Variants in PTPRT observed in about 807,000 individuals in gnomAD.
PTPRT encodes protein tyrosine phosphatase receptor type T.
In PTPRT, 56 loss-of-function variants were observed where a neutral mutation model predicts 176.8. The ratio of observed to expected loss-of-function variants is 0.32; its 90% CI spans 0.26 to 0.40. The LOEUF (loss-of-function observed/expected upper bound fraction) is 0.40, where lower values mean the gene tolerates loss of function less well. PTPRT is among the 10% of genes least tolerant of loss of function. The pLI is 1.00. For synonymous variants in PTPRT, 783 were observed against 739.0 expected (o/e 1.06, Z -0.96); for missense variants, 1,540 against 1,908.2 (o/e 0.81, Z 3.60).
chr20:42,072,558 A>G (rs1982401259), downstream of PTPRT, among the ~76,000 whole-genome samples: 1 of 152,206 alleles, frequency 6.6e-6, no homozygotes, highest in South Asian at 2.1e-4. Context: ...TACTAGCTCA[A>G]TGTGCAGTCA....
At chr20:42,248,560 C>T (rs1049425940) in intron 14 of PTPRT, 127 bp downstream of exon 14, 84 of 1,243,336 alleles carry the variant, frequency 6.8e-5, no homozygotes, top group Non-Finnish European at 9.1e-5. Flanking sequence ...CATGTATTTC[C>T]GGACCTCAAT....
At chr20:42,314,243 T>C (rs66469048) in intron 12 of PTPRT, among the ~76,000 whole-genome samples, 5,735 of 152,136 alleles carry the variant, frequency 0.038, 287 homozygotes, top group African/African-American at 0.11. Flanking sequence ...TATGACCACT[T>C]TGGGGCTGGG....
intron 15 of PTPRT, among the ~76,000 whole-genome samples, chr20:42,230,348 C>T (rs6030070): frequency 0.51 from 77,483 of 151,996 alleles, 20,677 homozygotes; most frequent in Non-Finnish European, 0.58. Flanking sequence ...TTGGTAAACA[C>T]CTTCGCGCTT....
chr20:43,021,170 A>C (rs1985663123), intron 1 of PTPRT, among the ~76,000 whole-genome samples: 1 of 152,238 alleles, frequency 6.6e-6, no homozygotes. Flanking sequence ...ACCTACTCAA[A>C]GGAGATGATG....
intron 7 of PTPRT, among the ~76,000 whole-genome samples, chr20:42,592,891 T>C (rs1408425754): frequency 6.6e-6 from 1 of 152,200 alleles, no homozygotes; most frequent in African/African-American, 2.4e-5. Flanking sequence ...GTCTTCTGTA[T>C]CCTTTGTCAG....
chr20:43,104,000 A>G (rs1379813914), intron 1 of PTPRT, among the ~76,000 whole-genome samples: 1 of 152,208 alleles, frequency 6.6e-6, no homozygotes, highest in African/African-American at 2.4e-5. Flanking sequence ...CGCTTGCCAC[A>G]GTAATTGCAC....
chr20:42,575,504 G>A (rs548212783), intron 7 of PTPRT, among the ~76,000 whole-genome samples: 1 of 152,276 alleles, frequency 6.6e-6, no homozygotes, highest in South Asian at 2.1e-4. Context: ...AATCTAGGTG[G>A]CAACCTCAAA....
chr20:42,650,217 T>TTCTTGACTTTC (rs1259043111), intron 7 of PTPRT, among the ~76,000 whole-genome samples: 5 of 152,172 alleles, frequency 3.3e-5, no homozygotes, highest in Admixed American at 3.3e-4. Flanking sequence ...CTTGTCCAAG[T>TTCTTGACTTTC]AAACAGCAGA....
chr20:42,818,894 G>A (rs1381395877), intron 2 of PTPRT, among the ~76,000 whole-genome samples: 3 of 152,122 alleles, frequency 2.0e-5, no homozygotes, highest in Middle Eastern at 3.2e-3. Flanking sequence ...AAGAAATACA[G>A]GGCTTCATAA....
the PTPRT span, among the ~76,000 whole-genome samples, chr20:42,041,039 C>A: frequency 6.6e-6 from 1 of 152,298 alleles, no homozygotes; most frequent in South Asian, 2.1e-4. Flanking sequence ...TGTGTTTCTG[C>A]GTGTGCTCAC....
the PTPRT span, among the ~76,000 whole-genome samples, chr20:42,036,901 G>A: frequency 6.6e-6 from 1 of 152,198 alleles, no homozygotes; most frequent in Non-Finnish European, 1.5e-5. Context: ...TCAAATGGAA[G>A]AGGCAATAAA....
chr20:42,896,820 C>T (rs897038700), intron 1 of PTPRT, among the ~76,000 whole-genome samples: 28 of 152,074 alleles, frequency 1.8e-4, no homozygotes, highest in Admixed American at 1.8e-3. Flanking sequence ...ATTCCACCCT[C>T]GTGCCAACAA....
chr20:42,252,828 A>C (rs1295651799), intron 13 of PTPRT, among the ~76,000 whole-genome samples: 1 of 152,238 alleles, frequency 6.6e-6, no homozygotes, highest in African/African-American at 2.4e-5. Flanking sequence ...AGACGAATTC[A>C]ATGAGTTCAG....
chr20:43,057,792 A>G (rs555376702), intron 1 of PTPRT, among the ~76,000 whole-genome samples: 9 of 152,376 alleles, frequency 5.9e-5, no homozygotes, highest in African/African-American at 1.9e-4. Flanking sequence ...CATGAATATG[A>G]TAACTGCAGA....
chr20:42,436,299 A>G (rs2059261692), intron 9 of PTPRT, among the ~76,000 whole-genome samples: 1 of 152,220 alleles, frequency 6.6e-6, no homozygotes, highest in Non-Finnish European at 1.5e-5. Flanking sequence ...AAGTAAAAAC[A>G]GCAAATTACA....
At chr20:42,070,072 G>C (rs369876037), downstream of PTPRT, among the ~76,000 whole-genome samples, 40 of 152,274 alleles carry the variant, frequency 2.6e-4, no homozygotes, top group African/African-American at 8.9e-4. Context: ...AAATTAACTA[G>C]AGTGGTTTCT....
At chr20:43,057,796 C>T (rs575838775) in intron 1 of PTPRT, among the ~76,000 whole-genome samples, 1 of 152,334 alleles carries the variant, frequency 6.6e-6, no homozygotes, top group East Asian at 1.9e-4. Flanking sequence ...AATATGATAA[C>T]TGCAGAGAGT....
chr20:43,042,708 C>CCCTCCCACCCTCCATCTCT (rs1986661643), intron 1 of PTPRT, among the ~76,000 whole-genome samples: 2 of 107,056 alleles, frequency 1.9e-5, no homozygotes, highest in African/African-American at 4.8e-5. Context: ...CTTCCACCCA[C>CCCTCCCACCCTCCATCTCT]CCTCCCACCC....
At chr20:42,508,411 T>G (rs1215924039) in intron 7 of PTPRT, among the ~76,000 whole-genome samples, 1 of 152,124 alleles carries the variant, frequency 6.6e-6, no homozygotes, top group Non-Finnish European at 1.5e-5. Context: ...AGAAGGCTAC[T>G]CATAGGAACT....
Sources: gnomAD v4.1 joint callset for allele counts (sites outside exome capture counted in the v4.1 genomes callset) on GRCh38, gnomAD v4.1.1 for gene constraint, MANE v1.5 for transcripts, NCBI Gene and HGNC (gene_info 2026-07-23, HGNC 2026-07-21) for gene names.